EPHB1: variants seen among roughly 807,000 people sequenced by gnomAD.
The protein encoded by EPHB1 is EPH receptor B1, also known as ephrin type-B receptor 1.
Under a neutral mutation model 94.4 loss-of-function variants are expected in EPHB1, and 30 were observed. The observed-to-expected ratio is 0.32, with a 90% CI of 0.24 to 0.43. The LOEUF is 0.43. Ranked by LOEUF, EPHB1 falls within the 20% of genes least tolerant of loss-of-function variation. EPHB1 has a pLI of 1.00. For missense variants in EPHB1, 1,055 were observed against 1,308.3 expected (o/e 0.81, Z 2.99); for synonymous variants, 522 against 489.1 (o/e 1.07, Z -0.89).
intron 1 of EPHB1, among the ~76,000 whole-genome samples, chr3:134,811,582 CA>C (rs1468740869): frequency 6.6e-6 from 1 of 151,904 alleles, no homozygotes; most frequent in African/African-American, 2.4e-5. Flanking sequence ...GACCACCCCA[CA>C]CCCTGTGAAT....
chr3:135,146,310 A>C lies in EPHB1; in HGVS notation c.1298-7842A>C, dbSNP rs560436517. On this transcript the variant is annotated intron_variant, in intron 5 of 15. Coordinates refer to ENST00000398015, the MANE Select transcript of EPHB1 (RefSeq NM_004441.5). ...AAGGTTTTTAGCATTGGAGTAACAA[A>C]GGTAAAATTGAGTTTAGAAAGATTA... Among the ~76,000 whole-genome samples, 30 of 152,354 alleles carry C rather than the reference A, an allele frequency of 2.0e-4. 1 individual carries two copies. The highest frequency in any genetic ancestry group is 5.3e-4 in the African/African-American group (22 of 41,580).
At chr3:135,169,251 G>A (rs114245096) in intron 9 of EPHB1, among the ~76,000 whole-genome samples, 2,278 of 152,266 alleles carry the variant, frequency 0.015, 26 homozygotes, top group Middle Eastern at 0.027. Context: ...CTGGAACAAG[G>A]GAGGACAGCT....
intron 3 of EPHB1, among the ~76,000 whole-genome samples, chr3:135,008,760 G>T (rs2107747595): frequency 1.3e-5 from 2 of 152,336 alleles, no homozygotes; most frequent in Middle Eastern, 3.4e-3. Flanking sequence ...TCCGAGAGAA[G>T]AGCTGGATCC....
At chr3:135,153,034 C>T (rs1941240759) in intron 5 of EPHB1, among the ~76,000 whole-genome samples, 1 of 152,164 alleles carries the variant, frequency 6.6e-6, no homozygotes, top group African/African-American at 2.4e-5. Context: ...TGCATCCTCT[C>T]CCTGAGGGGC....
chr3:134,888,505 C>T (rs563798466), intron 1 of EPHB1, among the ~76,000 whole-genome samples: 33 of 152,092 alleles, frequency 2.2e-4, no homozygotes, highest in Middle Eastern at 6.8e-3. Flanking sequence ...GTCAGGAGAT[C>T]GAGACCATCC....
intron 3 of EPHB1, among the ~76,000 whole-genome samples, chr3:135,064,240 A>G (rs1018399257): frequency 6.6e-6 from 1 of 151,944 alleles, no homozygotes; most frequent in Non-Finnish European, 1.5e-5. Context: ...CACCTTTTCT[A>G]TCTTGTGGAA....
rs1560280644 is a variant in EPHB1, at chr3:134,882,792, T to TTCTTTCTTTCTTTCTTTCTTTCTTTCTC, written c.59-42997_59-42996insCTCTTTCTTTCTTTCTTTCTTTCTTTCT. 5.6e-4 allele frequency among the ~76,000 whole-genome samples: 41 copies of TTCTTTCTTTCTTTCTTTCTTTCTTTCTC among 72,736 alleles called. 2 individuals are homozygous for TTCTTTCTTTCTTTCTTTCTTTCTTTCTC. The East Asian group carries it at 9.6e-3, about 17-fold the overall frequency. The allele number at this position is 72,736 out of a possible 152,430, so 47.7% of individuals were successfully genotyped here. A position where few individuals can be genotyped will look rare whatever the true frequency, so the allele number is the denominator to read the frequency against. ...TTTCTTTCTTTCTTTCTTTCTTTCT[T>TTCTTTCTTTCTTTCTTTCTTTCTTTCTC]TCTTTCTTTCTTTCTTTCTTTCTTT... On this transcript the variant is annotated intron_variant, in intron 1 of 15. Transcript: ENST00000398015.
At chr3:135,021,552 G>T (rs553799673) in intron 3 of EPHB1, among the ~76,000 whole-genome samples, 1 of 145,904 alleles carries the variant, frequency 6.9e-6, no homozygotes, top group East Asian at 2.0e-4. Flanking sequence ...CTAATTATAA[G>T]ATATTTTCTG....
chr3:135,047,471 T>C (rs1295571294), intron 3 of EPHB1, among the ~76,000 whole-genome samples: 2 of 152,150 alleles, frequency 1.3e-5, no homozygotes, highest in Non-Finnish European at 2.9e-5. Flanking sequence ...TCTTGTTAAT[T>C]GGAAAAGCAT....
intron 1 of EPHB1, among the ~76,000 whole-genome samples, chr3:134,891,270 C>T (rs1418236499): frequency 1.3e-5 from 2 of 152,126 alleles, no homozygotes; most frequent in African/African-American, 4.8e-5. Flanking sequence ...CCACCATGCC[C>T]AGCTAATTTT....
chr3:135,248,300 C>T lies in EPHB1; in HGVS notation c.2497-16C>T. The T allele has an allele frequency of 6.4e-7, 1 of 1,560,276 alleles. No individual in the cohort carries two copies. The highest frequency in any genetic ancestry group is 1.8e-4 in the Middle Eastern group (1 of 5,664). ...GCAGTCACTCAATCACACCTGTTCC[C>T]TGTATGTCACTGCAGGTCATCAATG... On this transcript the variant is annotated splice_polypyrimidine_tract_variant and intron_variant, in intron 13 of 15. Coordinates refer to ENST00000398015, the MANE Select transcript of EPHB1 (RefSeq NM_004441.5).
intron 1 of EPHB1, among the ~76,000 whole-genome samples, chr3:134,885,618 A>G (rs905786546): frequency 6.6e-6 from 1 of 152,234 alleles, no homozygotes; most frequent in East Asian, 1.9e-4. Flanking sequence ...TTCCTTCTAT[A>G]GCATCCAAGG....
chr3:134,978,533 A>G (rs761857309), intron 3 of EPHB1, among the ~76,000 whole-genome samples: 8 of 151,436 alleles, frequency 5.3e-5, no homozygotes, highest in Non-Finnish European at 1.0e-4. Flanking sequence ...CTGGTCTTTC[A>G]TGCTCCAATG....
intron 9 of EPHB1, among the ~76,000 whole-genome samples, chr3:135,171,666 GA>G (rs1178700719): frequency 6.6e-6 from 1 of 152,102 alleles, no homozygotes; most frequent in Non-Finnish European, 1.5e-5. Flanking sequence ...TTATTTGTGT[GA>G]AAAAAATGAG....
At chr3:135,106,752 T>G in intron 4 of EPHB1, 149 bp downstream of exon 4, 3 of 993,094 alleles carry the variant, frequency 3.0e-6, no homozygotes, top group Non-Finnish European at 4.4e-6. Flanking sequence ...ACAACTCCTA[T>G]GCTCGGAGTT....
chr3:135,237,127 T>C (rs1943675221), intron 12 of EPHB1, among the ~76,000 whole-genome samples: 1 of 152,140 alleles, frequency 6.6e-6, no homozygotes, highest in South Asian at 2.1e-4. Flanking sequence ...TGTCTGAAGC[T>C]GAGGGACTAA....
At chr3:135,206,805 C>T (rs962836429) in intron 12 of EPHB1, among the ~76,000 whole-genome samples, 3 of 152,148 alleles carry the variant, frequency 2.0e-5, no homozygotes, top group Admixed American at 6.5e-5. Flanking sequence ...GCCAAGATTG[C>T]GCCATTGCAC....
At chr3:135,047,068 G>A (rs1937019394) in intron 3 of EPHB1, among the ~76,000 whole-genome samples, 1 of 152,156 alleles carries the variant, frequency 6.6e-6, no homozygotes, top group African/African-American at 2.4e-5. Flanking sequence ...CCAAGGCCCC[G>A]AGGCTTATGT....
At chr3:135,234,483 C>G (rs1943602111) in intron 12 of EPHB1, among the ~76,000 whole-genome samples, 1 of 152,228 alleles carries the variant, frequency 6.6e-6, no homozygotes, top group African/African-American at 2.4e-5. Context: ...CAACCTCTGC[C>G]TGTTACTCAG....
Sources: gnomAD v4.1 joint callset for allele counts (sites outside exome capture counted in the v4.1 genomes callset) on GRCh38, gnomAD v4.1.1 for gene constraint, MANE v1.5 for transcripts, NCBI Gene and HGNC (gene_info 2026-07-23, HGNC 2026-07-21) for gene names.